The following ZNF219 variants were observed in gnomAD, a reference collection of about 807,000 sequenced individuals.
ZNF219 encodes the protein zinc finger protein 219.
ZNF219 carries 17 observed loss-of-function variants against 54.4 expected under a neutral mutation model. That is an observed-to-expected ratio of 0.31 (90% CI 0.21 to 0.47). The LOEUF (loss-of-function observed/expected upper bound fraction) is 0.47, where lower values mean the gene tolerates loss of function less well. Among genes scored for constraint, ZNF219 ranks in the 20% least tolerant of loss-of-function variants. The pLI is 1.00. For synonymous variants in ZNF219, 518 were observed against 476.4 expected, an observed-to-expected ratio of 1.09 and a Z score of -1.14; for missense variants, 1,014 against 1,062.3, an observed-to-expected ratio of 0.95 and a Z score of 0.63.
upstream of ZNF219, among the ~76,000 whole-genome samples, chr14:21,100,071 A>G (rs138823022): frequency 2.6e-5 from 4 of 152,272 alleles, no homozygotes; most frequent in East Asian, 7.7e-4. Flanking sequence ...GTAGAAAAAC[A>G]TATCTATCAG....
At chr14:21,094,864 A>G (rs1447981240) in intron 1 of ZNF219, among the ~76,000 whole-genome samples, 1 of 151,236 alleles carries the variant, frequency 6.6e-6, no homozygotes. Context: ...TCTGCCTCAT[A>G]TAGAATAGTA....
At position 21,093,097 on chromosome 14, in the gene ZNF219, C is replaced by A; in HGVS notation, c.200G>T (p.Arg67Leu). 6 of 1,607,130 alleles carry A rather than the reference C, an allele frequency of 3.7e-6. No individual in the cohort carries two copies. The highest frequency in any genetic ancestry group is 5.1e-6 in the Non-Finnish European group (6 of 1,178,010). ...FPCPVCGKRF[R>L]FNSILALHLR... Reference sequence around the variant, plus strand: ...GTGCAAAGCAAGGATAGAGTTGAAGCGGAAGCGCTTCCCGCATACAGGGCA... The same window carrying A: ...GTGCAAAGCAAGGATAGAGTTGAAGAGGAAGCGCTTCCCGCATACAGGGCA... Residue 67 changes from arginine (R) to leucine (L), a missense_variant, in exon 3 of 5, where the codon CGC (arginine) becomes CTC (leucine). By Grantham distance (102) the Arg-to-Leu change is moderately radical. Coordinates refer to ENST00000360947, the MANE Select transcript of ZNF219 (RefSeq NM_016423.3).
chr14:21,092,737 C>G lies in ZNF219; in HGVS notation c.560G>C (p.Arg187Thr). 6.3e-7 allele frequency: 1 copy of G among 1,589,288 alleles called. No individual in the cohort carries two copies. Among genetic ancestry groups the G allele is most frequent in the Non-Finnish European group, 8.6e-7 (1 of 1,168,410 alleles). The change falls in exon 3 of 5, where the codon AGG (arginine) becomes ACG (threonine). Residue 187 changes from arginine (R) to threonine (T), a missense_variant. Arg to Thr is a moderately conservative substitution (Grantham distance 71). Around this residue, in one of 5 missense-constraint regions of ZNF219, gnomAD observed 395 missense variants for 415.1 expected, o/e 0.95. Transcript: ENST00000360947. Reference protein sequence around the residue: ...ERERHLHILHRPWKCGLCSFG... With the variant: ...ERERHLHILHTPWKCGLCSFG... ...ACTGCACAGGCCGCACTTCCAGGGC[C>G]TATGCAGGATGTGCAGGTGGCGTTC...
At chr14:21,102,582 AG>A, upstream of ZNF219, 1 of 1,551,106 alleles carries the variant, frequency 6.4e-7, no homozygotes, top group Non-Finnish European at 8.7e-7. Flanking sequence ...GGAAAAGGGC[AG>A]GGGCAAACAG....
chr14:21,103,859 C>T (rs1452592893), upstream of ZNF219: 1 of 153,336 alleles, frequency 6.5e-6, no homozygotes, highest in African/African-American at 2.4e-5. Context: ...GTGCCGCTCC[C>T]CCAGCCACTG....
At chr14:21,101,199 C>T, upstream of ZNF219, 1 of 727,544 alleles carries the variant, frequency 1.4e-6, no homozygotes, top group Non-Finnish European at 2.2e-6. Flanking sequence ...GTGTGAGGAC[C>T]TGGACCTCAA....
chr14:21,092,004 C>A lies in ZNF219; in HGVS notation c.1293G>T (p.Glu431Asp). 3 of 1,556,960 alleles carry A rather than the reference C, an allele frequency of 1.9e-6. No homozygotes were observed. Among genetic ancestry groups the A allele is most frequent in the Non-Finnish European group, 1.7e-6 (2 of 1,150,750 alleles). Residue 431 changes from glutamate (E) to aspartate (D), a missense_variant, in exon 3 of 5, where the codon GAG becomes GAT. Transcript: ENST00000360947. ...AGGTTTCCTCCTCGGCCTCCACCAC[C>A]TCCTCTTCTTCCTCAGGCTCCTCCG... ...HRAEEPEEEE[E>D]VVEAEEETWA...
At chr14:21,099,999 C>T (rs1365511240), upstream of ZNF219, among the ~76,000 whole-genome samples, 1 of 152,172 alleles carries the variant, frequency 6.6e-6, no homozygotes, top group Non-Finnish European at 1.5e-5. Flanking sequence ...CCTGAATCAA[C>T]AACTCTTCAC....
Position 21,090,894 on chromosome 14 carries a change from C to T in ZNF219, c.1811G>A (p.Gly604Glu). The T allele has an allele frequency of 6.5e-7, 1 of 1,549,978 alleles. No individual in the cohort carries two copies. Among genetic ancestry groups the T allele is most frequent in the Non-Finnish European group, 8.7e-7 (1 of 1,150,504 alleles). Residue 604 changes from glycine (G) to glutamate (E), a missense_variant, in exon 5 of 5, where the codon GGG becomes GAG. Around this residue, in one of 5 missense-constraint regions of ZNF219, gnomAD observed 281 missense variants for 271.2 expected, o/e 1.04. Coordinates refer to ENST00000360947, the MANE Select transcript of ZNF219 (RefSeq NM_016423.3). The surrounding 1 kb of genome is among the most constrained non-coding windows in gnomAD (Gnocchi z 4.4). ...AGGGCTGGCGGGCTTCCGACGGGAC[C>T]CCGGCCCAGCACCGCTAGAAGGAGG... Reference protein sequence around the residue: ...PRPPSSGAGPGSRRKPASPGR... With the variant: ...PRPPSSGAGPESRRKPASPGR...
upstream of ZNF219, chr14:21,102,440 G>C: frequency 6.4e-7 from 1 of 1,551,730 alleles, no homozygotes; most frequent in East Asian, 2.4e-5. Flanking sequence ...CCTTCAACTT[G>C]ATCTTGGGTT....
chr14:21,098,529 C>T lies in ZNF219; in HGVS notation c.-301G>A. On this transcript the variant is annotated 5_prime_UTR_variant, in exon 1 of 5. Transcript: ENST00000360947. ...GGGAGGCGGCCCGGCCATTAGCATG[C>T]GGGGGGCGGCGCGGCGGGGCTGGGA... 2 of 985,690 alleles carry T rather than the reference C, an allele frequency of 2.0e-6. No homozygotes were observed. The highest frequency in any genetic ancestry group is 2.4e-6 in the Non-Finnish European group (2 of 830,592). The allele number at this position is 985,690 out of a possible 1,614,324, so 61.1% of individuals were successfully genotyped here. A position where few individuals can be genotyped will look rare whatever the true frequency, so the allele number is the denominator to read the frequency against.
upstream of ZNF219, chr14:21,102,318 A>T: frequency 6.7e-7 from 1 of 1,488,874 alleles, no homozygotes; most frequent in Non-Finnish European, 9.1e-7. Flanking sequence ...GCAGAAGCTG[A>T]GTTTTGTCTT....
Position 21,090,525 on chromosome 14 carries a change from CT to C in ZNF219, c.*10del, listed in dbSNP as rs745444663. 3 of 1,581,008 alleles carry C rather than the reference CT, an allele frequency of 1.9e-6. No homozygotes were observed. In the African/African-American group the frequency reaches 4.1e-5, roughly 21 times the overall value. On this transcript the variant is annotated 3_prime_UTR_variant, in exon 5 of 5. Transcript: ENST00000360947. This position sits in a 1 kb window ranked among gnomAD's most constrained non-coding sequence, Gnocchi z 4.4. ...GGTAAGCTCACTAAGCTAATCGCCC[CT>C]GAGGGCCCACTACCGTTCTTGCCCC...
rs752978503 is a variant in ZNF219, at chr14:21,091,746, C to CA, written c.1432+118dup. On this transcript the variant is annotated intron_variant, in intron 3 of 4. Transcript: ENST00000360947. The stretch of plus-strand genomic sequence containing the variant: ...TCCAGGAAAACAAAACAAAACAAAA[C>CA]AAAAAAACTCAGGAGAAATTAAACG... 270 of 1,448,380 alleles carry CA rather than the reference C, an allele frequency of 1.9e-4. 1 individual carries two copies. Among genetic ancestry groups the CA allele is most frequent in the Non-Finnish European group, 4.7e-5 (52 of 1,105,248 alleles). The allele number at this position is 1,448,380 out of a possible 1,614,324, so 89.7% of individuals were successfully genotyped here. A position where few individuals can be genotyped will look rare whatever the true frequency, so the allele number is the denominator to read the frequency against.
chr14:21,099,207 T>C (rs904349297), upstream of ZNF219: 4 of 164,014 alleles, frequency 2.4e-5, no homozygotes, highest in South Asian at 1.3e-4. Flanking sequence ...TGGTAAGTAG[T>C]ATACTCAGAT....
At chr14:21,102,747 A>T, upstream of ZNF219, 2 of 1,551,116 alleles carry the variant, frequency 1.3e-6, no homozygotes, top group Non-Finnish European at 1.7e-6. Context: ...ATGCTGCAGG[A>T]GCCAGAGTCT....
chr14:21,103,440 C>A, upstream of ZNF219: 2 of 992,370 alleles, frequency 2.0e-6, no homozygotes, highest in Non-Finnish European at 2.8e-6. Context: ...CACCTCACCA[C>A]CCTGAAAAGC....
rs1229237023 is a variant in ZNF219, at chr14:21,092,769, C to G, written c.528G>C (p.Ala176=). 1 of 1,579,380 alleles carries G rather than the reference C, an allele frequency of 6.3e-7. No individual in the cohort carries two copies. Among genetic ancestry groups the G allele is most frequent in the African/African-American group, 1.3e-5 (1 of 74,178 alleles). ...PYCKGKFRTS[A]ERERHLHILH... ...GGATGTGCAGGTGGCGTTCGCGCTC[C>G]GCCGAGGTGCGAAACTTGCCTTTGC... The change falls in exon 3 of 5, where the codon GCG becomes GCC. Residue 176 remains alanine, a synonymous_variant. Coordinates refer to ENST00000360947, the MANE Select transcript of ZNF219 (RefSeq NM_016423.3).
At chr14:21,102,074 C>A (rs796183645), upstream of ZNF219, 5 of 1,551,446 alleles carry the variant, frequency 3.2e-6, no homozygotes, top group South Asian at 3.6e-5. Flanking sequence ...GGTCTCCTCA[C>A]TGGGACTGTC....
Sources: allele counts gnomAD v4.1 joint callset (sites outside exome capture counted in the v4.1 genomes callset), GRCh38; gene constraint gnomAD v4.1.1; regional missense constraint gnomAD v4.1.1; non-coding constraint Gnocchi (gnomAD v3.1); transcripts MANE v1.5; gene names NCBI Gene and HGNC (gene_info 2026-07-23, HGNC 2026-07-21).